Variants in TAFA5 observed in about 807,000 individuals in gnomAD.
TAFA5 encodes the protein TAFA chemokine like family member 5, also known as chemokine-like protein TAFA-5.
TAFA5 carries 6 observed loss-of-function variants against 15.3 expected under a neutral mutation model. The observed-to-expected ratio is 0.39, with a 90% confidence interval of 0.21 to 0.77. The LOEUF is 0.77. Among genes scored for constraint, TAFA5 ranks in the 30% least tolerant of loss-of-function variants. The pLI is 0.41. For missense variants in TAFA5, 161 were observed against 193.1 expected, an observed-to-expected ratio of 0.83 and a Z score of 0.98; for synonymous variants, 103 against 80.7, an observed-to-expected ratio of 1.28 and a Z score of -1.48.
chr22:48,608,120 C>CAGGCTGCCAGCCCCTCCCACTGCCCT (rs1569045458), intron 1 of TAFA5, among the ~76,000 whole-genome samples: 1 of 151,780 alleles, frequency 6.6e-6, no homozygotes, highest in African/African-American at 2.4e-5. Flanking sequence ...CCCACGGCCC[C>CAGGCTGCCAGCCCCTCCCACTGCCCT]GGGCTGCCAG....
chr22:48,698,789 G>T, intron 2 of TAFA5, among the ~76,000 whole-genome samples: 1 of 79,262 alleles, frequency 1.3e-5, no homozygotes, highest in Non-Finnish European at 2.6e-5. Context: ...GGGCTCTACA[G>T]GCCCCGTGCG....
intron 1 of TAFA5, among the ~76,000 whole-genome samples, chr22:48,558,323 A>G (rs902061378): frequency 2.6e-5 from 4 of 152,200 alleles, no homozygotes; most frequent in African/African-American, 9.7e-5. Flanking sequence ...TGTTTCTTAA[A>G]GTCTAGCATT....
chr22:48,714,654 C>T lies in TAFA5; in HGVS notation c.390+6810C>T, dbSNP rs371940354. On this transcript the variant is annotated intron_variant, in intron 3 of 3. Transcript: ENST00000402357. ...GAAAATCGACGTTCTGAGGTGAGTC[C>T]CCACTCAGCTCCCTGAGGGCTCAGT... 6.6e-5 allele frequency among the ~76,000 whole-genome samples: 10 copies of T among 152,288 alleles called. No individual in the cohort carries two copies. In the South Asian group the frequency reaches 2.1e-3, roughly 32 times the overall value.
intron 3 of TAFA5, among the ~76,000 whole-genome samples, chr22:48,745,421 G>A (rs563593500): frequency 3.8e-4 from 57 of 150,550 alleles, no homozygotes; most frequent in African/African-American, 1.3e-3. Context: ...CTTTGTCGTC[G>A]GCGGCTGGCC....
intron 1 of TAFA5, among the ~76,000 whole-genome samples, chr22:48,630,109 C>G (rs796339551): frequency 6.6e-6 from 1 of 151,732 alleles, no homozygotes; most frequent in African/African-American, 2.4e-5. Context: ...TGGGAGGCTG[C>G]GAATTCTAGA....
At chr22:48,743,645 G>T (rs1475184422) in intron 3 of TAFA5, among the ~76,000 whole-genome samples, 1 of 152,212 alleles carries the variant, frequency 6.6e-6, no homozygotes, top group Non-Finnish European at 1.5e-5. Context: ...GCGTACCACG[G>T]CCAGGAGCGG....
intron 2 of TAFA5, among the ~76,000 whole-genome samples, chr22:48,673,528 C>T (rs896207905): frequency 2.6e-5 from 4 of 152,282 alleles, no homozygotes; most frequent in Non-Finnish European, 5.9e-5. Flanking sequence ...GCTCTGCTGG[C>T]CAGGAAGAGG....
In TAFA5 at chr22:48,624,348, G is replaced by A. The variant is rs114589405; in HGVS notation, c.113-22249G>A. Among the ~76,000 whole-genome samples, 919 of 152,272 alleles carry A rather than the reference G, an allele frequency of 6.0e-3. 8 individuals are homozygous for A. The highest frequency in any genetic ancestry group is 0.021 in the African/African-American group (872 of 41,556). The stretch of plus-strand genomic sequence containing the variant: ...GGTCAGGTTCCTGCCCTGTGAGGTC[G>A]CTCTTTCTCCCATAGGGTGCTCCTT... On this transcript the variant is annotated intron_variant, in intron 1 of 3. Transcript: ENST00000402357.
chr22:48,731,392 T>G (rs1313887458), intron 3 of TAFA5, among the ~76,000 whole-genome samples: 2 of 152,206 alleles, frequency 1.3e-5, no homozygotes, highest in African/African-American at 4.8e-5. Context: ...AGACAATAGA[T>G]TTTCAATGTA....
In TAFA5 at chr22:48,689,494, G is replaced by A. The variant is rs1200260756; in HGVS notation, c.263-18223G>A. On this transcript the variant is annotated intron_variant, in intron 2 of 3. Transcript: ENST00000402357. Reference sequence around the variant, plus strand: ...CAGAAGCACAGGGTCGGGTTCTGACGCCTGAGGAACCTGCGCAGACTTGAG... The same window carrying A: ...CAGAAGCACAGGGTCGGGTTCTGACACCTGAGGAACCTGCGCAGACTTGAG... 5.9e-5 allele frequency among the ~76,000 whole-genome samples: 9 copies of A among 152,206 alleles called. No homozygotes were observed. In the East Asian group the frequency reaches 7.7e-4, roughly 13 times the overall value.
chr22:48,642,380 A>G (rs1322416787), intron 1 of TAFA5, among the ~76,000 whole-genome samples: 2 of 152,168 alleles, frequency 1.3e-5, no homozygotes, highest in Non-Finnish European at 2.9e-5. Context: ...CATGCCCCAC[A>G]GGCAGCCCTG....
chr22:48,741,456 T>C (rs895112306), intron 3 of TAFA5, among the ~76,000 whole-genome samples: 1 of 152,170 alleles, frequency 6.6e-6, no homozygotes, highest in Non-Finnish European at 1.5e-5. Flanking sequence ...AGTCCTCAAG[T>C]CCCTGAGTCC....
At chr22:48,696,269 G>A (rs546530235) in intron 2 of TAFA5, among the ~76,000 whole-genome samples, 4 of 152,304 alleles carry the variant, frequency 2.6e-5, no homozygotes, top group African/African-American at 4.8e-5. Flanking sequence ...AGCACTCTGC[G>A]TTTATGACCT....
chr22:48,730,161 A>C (rs1929829859), intron 3 of TAFA5, among the ~76,000 whole-genome samples: 1 of 152,140 alleles, frequency 6.6e-6, no homozygotes, highest in African/African-American at 2.4e-5. Flanking sequence ...GAGGTGGGCG[A>C]ATCATGAGGT....
At chr22:48,712,865 G>A (rs967336841) in intron 3 of TAFA5, among the ~76,000 whole-genome samples, 3 of 152,240 alleles carry the variant, frequency 2.0e-5, no homozygotes, top group Non-Finnish European at 4.4e-5. Flanking sequence ...TGGAGGAGGA[G>A]GGACAGGCAG....
chr22:48,596,488 TTA>T (rs2147161783), intron 1 of TAFA5, among the ~76,000 whole-genome samples: 1 of 152,166 alleles, frequency 6.6e-6, no homozygotes, highest in East Asian at 1.9e-4. Context: ...ATCACAGGCT[TTA>T]TGTTTTAGGG....
chr22:48,746,488 C>T (rs554953616), intron 3 of TAFA5, among the ~76,000 whole-genome samples: 3 of 152,044 alleles, frequency 2.0e-5, no homozygotes, highest in South Asian at 4.2e-4. Context: ...GGCCAGACCC[C>T]GTCTTGTTAA....
chr22:48,584,690 AAC>A (rs747067679), intron 1 of TAFA5, among the ~76,000 whole-genome samples: 5 of 140,724 alleles, frequency 3.6e-5, no homozygotes, highest in African/African-American at 5.3e-5. Context: ...ATACACCACA[AAC>A]ACACACCACA....
At position 48,714,220 on chromosome 22, in the gene TAFA5, C is replaced by T. The variant is rs149395862; in HGVS notation, c.390+6376C>T. Among the ~76,000 whole-genome samples the T allele has an allele frequency of 3.9e-3, 598 of 152,344 alleles. 4 individuals carry two copies. The highest frequency in any genetic ancestry group is 0.013 in the African/African-American group (547 of 41,578). ...GAGACACTCACACTTCCTTTATGTG[C>T]CTTCTGGAACCCCCTGTAGGGTGAC... is the stretch of plus-strand genomic sequence containing the variant. On this transcript the variant is annotated intron_variant, in intron 3 of 3. Coordinates refer to ENST00000402357, the MANE Select transcript of TAFA5 (RefSeq NM_001082967.3).
Sources: allele counts gnomAD v4.1 joint callset (sites outside exome capture counted in the v4.1 genomes callset), GRCh38; gene constraint gnomAD v4.1.1; transcripts MANE v1.5; gene names NCBI Gene and HGNC (gene_info 2026-07-23, HGNC 2026-07-21).